The following RRM1 variants were observed in gnomAD, a reference collection of about 807,000 sequenced individuals.
RRM1 encodes ribonucleoside-diphosphate reductase large subunit.
A neutral mutation model predicts 101.5 loss-of-function variants in RRM1; 19 were observed. That is an observed-to-expected ratio of 0.19 (90% CI 0.13 to 0.27). The LOEUF (loss-of-function observed/expected upper bound fraction) is 0.27, where lower values mean the gene tolerates loss of function less well. RRM1 is among the 10% of genes least tolerant of loss of function. The pLI is 1.00. For synonymous variants in RRM1, 298 were observed against 323.4 expected, an observed-to-expected ratio of 0.92 and a Z score of 0.84; for missense variants, 500 against 962.9, an observed-to-expected ratio of 0.52 and a Z score of 6.36.
intron 18 of RRM1, chr11:4,137,326 TCA>T (rs2133328716): frequency 5.2e-6 from 1 of 193,586 alleles, no homozygotes; most frequent in South Asian, 7.6e-5. Context: ...GAGGTGCTCC[TCA>T]CATCCCAGAC....
chr11:4,133,659 G>A lies in RRM1; in HGVS notation c.2001+1G>A. ...TATTGCATGCAATGGCTCTATTCAG[G>A]TATAGAATGAAAATGAAGTGTGCTC... On this transcript the variant is annotated splice_donor_variant, in intron 17 of 18. Coordinates refer to ENST00000300738, the MANE Select transcript of RRM1 (RefSeq NM_001033.5). LOFTEE classifies it high-confidence loss of function. 6.3e-7 allele frequency: 1 copy of A among 1,585,634 alleles called. No homozygotes were observed. The highest frequency in any genetic ancestry group is 8.7e-7 in the Non-Finnish European group (1 of 1,155,262).
intron 2 of RRM1, among the ~76,000 whole-genome samples, chr11:4,102,651 C>CA (rs780209887): frequency 0.082 from 6,686 of 81,904 alleles, 274 homozygotes; most frequent in East Asian, 0.28. Context: ...GACTCCCTCT[C>CA]AAAAAAAAAA....
intron 2 of RRM1, 108 bp downstream of exon 2, chr11:4,102,189 A>G (rs1291891681): frequency 3.0e-6 from 2 of 657,368 alleles, no homozygotes; most frequent in Non-Finnish European, 5.3e-6. Flanking sequence ...TATTCTGGCT[A>G]TGCCCTTCGA....
At chr11:4,134,571 T>C (rs2094605885) in intron 17 of RRM1, among the ~76,000 whole-genome samples, 1 of 147,192 alleles carries the variant, frequency 6.8e-6, no homozygotes, top group African/African-American at 2.7e-5. Context: ...AGCCAGTCTG[T>C]GTGTTTTAAT....
At chr11:4,117,944 GT>G (rs1277660555) in intron 7 of RRM1, among the ~76,000 whole-genome samples, 8 of 152,122 alleles carry the variant, frequency 5.3e-5, no homozygotes, top group African/African-American at 1.9e-4. Flanking sequence ...ATAAATGTTT[GT>G]TTTTCTTGGC....
chr11:4,097,205 G>C (rs2094544824), intron 1 of RRM1, among the ~76,000 whole-genome samples: 1 of 145,748 alleles, frequency 6.9e-6, no homozygotes. Context: ...AGAATCGCTT[G>C]AGCCTGGGAG....
At chr11:4,105,963 C>T (rs1261717428) in intron 2 of RRM1, 83 bp from the exon 3 acceptor site, 2 of 1,155,878 alleles carry the variant, frequency 1.7e-6, no homozygotes, top group African/African-American at 1.6e-5. Flanking sequence ...CACACCTGGC[C>T]ATGATGGTTT....
intron 7 of RRM1, 80 bp from the exon 8 acceptor site, chr11:4,118,240 A>G: frequency 9.3e-7 from 1 of 1,075,610 alleles, no homozygotes; most frequent in South Asian, 2.1e-5. Context: ...TTTTTGCCTT[A>G]GTGTCTTTGT....
intron 1 of RRM1, among the ~76,000 whole-genome samples, chr11:4,096,060 C>G (rs145243996): frequency 1.1e-4 from 16 of 152,304 alleles, no homozygotes; most frequent in Admixed American, 5.9e-4. Context: ...GAGTCTTGCT[C>G]TGTCACCCAG....
At chr11:4,100,651 G>C (rs2094549674) in intron 1 of RRM1, among the ~76,000 whole-genome samples, 1 of 137,888 alleles carries the variant, frequency 7.3e-6, no homozygotes, top group Admixed American at 7.7e-5. Context: ...AGTGCCTATT[G>C]TGTATCACAT....
intron 12 of RRM1, among the ~76,000 whole-genome samples, chr11:4,126,168 A>G (rs553638999): frequency 6.6e-6 from 1 of 152,372 alleles, no homozygotes; most frequent in East Asian, 1.9e-4. Flanking sequence ...AGGGCTTGTC[A>G]GAATATCAGT....
intron 7 of RRM1, among the ~76,000 whole-genome samples, chr11:4,114,953 T>C (rs1205210046): frequency 1.3e-5 from 2 of 152,198 alleles, no homozygotes; most frequent in Non-Finnish European, 2.9e-5. Flanking sequence ...CCTTGAGTGA[T>C]CCGTCTTCCT....
chr11:4,118,453 A>G lies in RRM1; in HGVS notation c.784A>G (p.Ile262Val). Residue 262 changes from isoleucine to valine, a missense_variant, in exon 8 of 19, where the codon ATT (isoleucine) becomes GTT (valine). This residue lies in a region of RRM1 where 111 missense variants were observed against 219.8 expected (regional missense o/e 0.51). Coordinates refer to ENST00000300738, the MANE Select transcript of RRM1 (RefSeq NM_001033.5). ...TTGTATTCGGGCTACTGGCAGCTAC[A>G]TTGCTGGGGTAGGTTTCTGCCATTT... ...VSCIRATGSY[I>V]AGTNGNSNGL... is the part of the protein sequence containing the mutation. The G allele has an allele frequency of 6.2e-7, 1 of 1,613,992 alleles. No individual in the cohort carries two copies. The highest frequency in any genetic ancestry group is 8.5e-7 in the Non-Finnish European group (1 of 1,179,950).
chr11:4,138,311 G>A lies in RRM1; in HGVS notation c.2307G>A (p.Glu769=). The A allele has an allele frequency of 1.9e-6, 3 of 1,613,030 alleles. No homozygotes were observed. Among genetic ancestry groups the A allele is most frequent in the Non-Finnish European group, 2.5e-6 (3 of 1,179,450 alleles). ...DKEKVSKEEE[E]KERNTAAMVC... ...AAAAGGTATCAAAAGAGGAAGAAGA[G>A]AAGGAGAGGAACACAGCAGCCATGG... Residue 769 remains glutamate, a synonymous_variant, in exon 19 of 19, where the codon GAG becomes GAA. Coordinates refer to ENST00000300738, the MANE Select transcript of RRM1 (RefSeq NM_001033.5).
intron 12 of RRM1, among the ~76,000 whole-genome samples, chr11:4,123,972 A>C (rs1445425908): frequency 6.6e-6 from 1 of 152,218 alleles, no homozygotes; most frequent in African/African-American, 2.4e-5. Context: ...GTGTTTTAAA[A>C]AAAAGTTTGA....
intron 2 of RRM1, among the ~76,000 whole-genome samples, chr11:4,103,515 G>A (rs959421450): frequency 1.3e-5 from 2 of 152,130 alleles, no homozygotes; most frequent in African/African-American, 4.8e-5. Context: ...ATTTTAGAGC[G>A]CAAGAATGTT....
In RRM1 at chr11:4,121,703, A is replaced by G; in HGVS notation, c.976A>G (p.Arg326Gly). Residue 326 changes from arginine (R) to glycine (G), a missense_variant, in exon 10 of 19, where the codon AGA becomes GGA. This residue lies in a region of RRM1 where 4 missense variants were observed against 38.8 expected (regional missense o/e 0.10). Transcript: ENST00000300738. ...CACAGGAAAGGAAGAGCAGCGTGCC[A>G]GAGATCTTTTCTTTGCTCTTTGGAT... Reference protein sequence around the residue: ...KNTGKEEQRARDLFFALWIPD... With the variant: ...KNTGKEEQRAGDLFFALWIPD... 1 of 1,613,558 alleles carries G rather than the reference A, an allele frequency of 6.2e-7. No individual in the cohort carries two copies. The highest frequency in any genetic ancestry group is 8.5e-7 in the Non-Finnish European group (1 of 1,179,616).
At chr11:4,100,936 C>G (rs546368033) in intron 1 of RRM1, among the ~76,000 whole-genome samples, 6 of 151,984 alleles carry the variant, frequency 3.9e-5, no homozygotes, top group African/African-American at 1.5e-4. Context: ...AAATAAAGGT[C>G]GGATGAGCTA....
At chr11:4,094,722 C>A (rs1261477969), upstream of RRM1, 1 of 535,524 alleles carries the variant, frequency 1.9e-6, no homozygotes. Flanking sequence ...GGCGGCTACA[C>A]GTCGCCTGTC....
Sources: allele counts gnomAD v4.1 joint callset (sites outside exome capture counted in the v4.1 genomes callset), GRCh38; gene constraint gnomAD v4.1.1; regional missense constraint gnomAD v4.1.1; transcripts MANE v1.5; gene names NCBI Gene and HGNC (gene_info 2026-07-23, HGNC 2026-07-21).